The following RTTN variants were observed in gnomAD, a reference collection of about 807,000 sequenced individuals.
RTTN encodes the protein rotatin.
A neutral mutation model predicts 269.2 loss-of-function variants in RTTN; 182 were observed. That is an observed-to-expected ratio of 0.68 (90% CI 0.60 to 0.76). The LOEUF (loss-of-function observed/expected upper bound fraction) is 0.76. Among genes scored for constraint, RTTN ranks in the 30% least tolerant of loss-of-function variants. RTTN has a pLI of 0.00. For synonymous variants in RTTN, 1,006 were observed against 963.5 expected (o/e 1.04, Z -0.82); for missense variants, 2,545 against 2,608.6 (o/e 0.98, Z 0.53).
chr18:70,011,018 C>G (rs371211989), intron 46 of RTTN, among the ~76,000 whole-genome samples: 1 of 152,152 alleles, frequency 6.6e-6, no homozygotes, highest in African/African-American at 2.4e-5. Context: ...GACACATACA[C>G]CCTCCCAAGA....
chr18:70,197,508 A>C, intron 6 of RTTN, 116 bp downstream of exon 6: 1 of 694,172 alleles, frequency 1.4e-6, no homozygotes, highest in Non-Finnish European at 2.6e-6. Context: ...CAAATACTTC[A>C]CTTTTTAAAA....
At chr18:70,148,665 G>A (rs2060458374) in intron 17 of RTTN, among the ~76,000 whole-genome samples, 1 of 152,138 alleles carries the variant, frequency 6.6e-6, no homozygotes, top group Non-Finnish European at 1.5e-5. Flanking sequence ...CTTAGTAGCA[G>A]TCCTGTAACA....
Position 70,014,792 on chromosome 18 carries a change from G to A in RTTN, c.6421+2615C>T, listed in dbSNP as rs184764402. ...CAGCTTAATACAAGCAGGATAGCCAGTAAGAATCCCCACTTTGGGGAATCG... is the reference window on the plus strand; with the variant it reads ...CAGCTTAATACAAGCAGGATAGCCAATAAGAATCCCCACTTTGGGGAATCG... On this transcript the variant is annotated intron_variant, in intron 46 of 48. Coordinates refer to ENST00000640769, the MANE Select transcript of RTTN (RefSeq NM_173630.4). Among the ~76,000 whole-genome samples, 769 of 152,236 alleles carry A rather than the reference G, an allele frequency of 5.1e-3. 8 individuals carry two copies. The highest frequency in any genetic ancestry group is 0.017 in the African/African-American group (722 of 41,546).
At chr18:70,067,320 C>T (rs964771831) in intron 34 of RTTN, among the ~76,000 whole-genome samples, 7 of 152,158 alleles carry the variant, frequency 4.6e-5, no homozygotes, top group East Asian at 1.9e-4. Context: ...CCACCACGCC[C>T]GGCTAATTTT....
intron 32 of RTTN, among the ~76,000 whole-genome samples, chr18:70,081,248 C>CA (rs2058560437): frequency 6.6e-6 from 1 of 151,926 alleles, no homozygotes; most frequent in African/African-American, 2.4e-5. Flanking sequence ...ATGGGTACAC[C>CA]AAAATCTCAC....
chr18:70,185,151 T>C (rs955525484), intron 10 of RTTN, among the ~76,000 whole-genome samples: 1 of 145,922 alleles, frequency 6.9e-6, no homozygotes, highest in African/African-American at 2.5e-5. Flanking sequence ...TGTATACCCA[T>C]AAAAAAAAAA....
In RTTN at chr18:70,205,638, G is replaced by A. The variant is rs2062061363; in HGVS notation, c.21C>T (p.Ile7=). The A allele has an allele frequency of 1.2e-6, 2 of 1,614,156 alleles. No individual in the cohort carries two copies. The highest frequency in any genetic ancestry group is 1.1e-5 in the South Asian group (1 of 91,086). Reference sequence around the variant, plus strand: ...CAAGCTGACAGTTACCGAGTTTCCTGATGAGCCCTGCCAGGACCATCTCGT... The same window carrying A: ...CAAGCTGACAGTTACCGAGTTTCCTAATGAGCCCTGCCAGGACCATCTCGT... MVLAGL[I]RKLGHQLAEI... is the part of the protein sequence containing the mutation. The change falls in exon 1 of 49, where the codon ATC becomes ATT. Residue 7 remains isoleucine, a synonymous_variant. Transcript: ENST00000640769.
chr18:70,092,585 T>C (rs768719293), intron 29 of RTTN, 91 bp downstream of exon 29: 64 of 1,418,488 alleles, frequency 4.5e-5, no homozygotes, highest in Middle Eastern at 1.8e-4. Context: ...GACATTTTCA[T>C]GTGGCAAGTT....
At chr18:70,170,806 T>C (rs960357787) in intron 11 of RTTN, among the ~76,000 whole-genome samples, 1 of 151,998 alleles carries the variant, frequency 6.6e-6, no homozygotes, top group East Asian at 1.9e-4. Flanking sequence ...CAGGACAGAA[T>C]GGTGGGCTTA....
At chr18:70,028,422 G>A (rs574482964) in intron 43 of RTTN, among the ~76,000 whole-genome samples, 2 of 152,104 alleles carry the variant, frequency 1.3e-5, no homozygotes, top group Admixed American at 6.5e-5. Context: ...TTGACAACCC[G>A]TTTTGAAAGA....
intron 27 of RTTN, among the ~76,000 whole-genome samples, chr18:70,113,824 T>C (rs1317486211): frequency 6.6e-6 from 1 of 152,278 alleles, no homozygotes; most frequent in South Asian, 2.1e-4. Flanking sequence ...ATTTATGTGA[T>C]ATATCCAGAA....
chr18:70,025,895 G>A (rs2056839889), intron 43 of RTTN, among the ~76,000 whole-genome samples: 1 of 152,092 alleles, frequency 6.6e-6, no homozygotes, highest in Non-Finnish European at 1.5e-5. Flanking sequence ...GCCTCCTCAG[G>A]GATCTTAATC....
intron 32 of RTTN, among the ~76,000 whole-genome samples, chr18:70,084,926 TTAC>T (rs1356018863): frequency 6.6e-6 from 1 of 152,270 alleles, no homozygotes; most frequent in Non-Finnish European, 1.5e-5. Flanking sequence ...AACAGGAACT[TTAC>T]TATTTAATTT....
At chr18:70,071,184 T>A (rs1295488399) in intron 34 of RTTN, among the ~76,000 whole-genome samples, 1 of 152,158 alleles carries the variant, frequency 6.6e-6, no homozygotes, top group Non-Finnish European at 1.5e-5. Context: ...CATGCCCTAA[T>A]TTCCTCTTTT....
At chr18:70,147,212 A>G (rs905928765) in intron 17 of RTTN, among the ~76,000 whole-genome samples, 18 of 152,232 alleles carry the variant, frequency 1.2e-4, no homozygotes, top group Non-Finnish European at 1.5e-5. Context: ...CATGTACTGC[A>G]TAACAATGTT....
intron 10 of RTTN, among the ~76,000 whole-genome samples, chr18:70,179,546 A>C (rs1370780300): frequency 6.6e-6 from 1 of 152,188 alleles, no homozygotes; most frequent in Non-Finnish European, 1.5e-5. Context: ...CACATTTTTT[A>C]ATTCTTTGGG....
chr18:70,112,836 C>T (rs1465145157), intron 27 of RTTN, among the ~76,000 whole-genome samples: 1 of 152,198 alleles, frequency 6.6e-6, no homozygotes, highest in African/African-American at 2.4e-5. Context: ...ATCTACAGAA[C>T]TCTTCACCCC....
chr18:70,005,010 C>G (rs2056139303), intron 48 of RTTN, among the ~76,000 whole-genome samples, 188 bp downstream of exon 48: 1 of 152,126 alleles, frequency 6.6e-6, no homozygotes, highest in South Asian at 2.1e-4. Context: ...TTTTTAGAAG[C>G]AATCACATCT....
At chr18:70,067,105 C>A (rs1181833821) in intron 34 of RTTN, among the ~76,000 whole-genome samples, 1 of 151,648 alleles carries the variant, frequency 6.6e-6, no homozygotes, top group Non-Finnish European at 1.5e-5. Flanking sequence ...ACATCAAATG[C>A]CTTATTTTAT....
Sources: allele counts gnomAD v4.1 joint callset (sites outside exome capture counted in the v4.1 genomes callset), GRCh38; gene constraint gnomAD v4.1.1; transcripts MANE v1.5; gene names NCBI Gene and HGNC (gene_info 2026-07-23, HGNC 2026-07-21).